The following ZNF106 variants were observed in gnomAD, a reference collection of about 807,000 sequenced individuals.
ZNF106 encodes the protein SH3-domain binding protein 3.
In ZNF106, 67 loss-of-function variants were observed where a neutral mutation model predicts 195.1. The ratio of observed to expected loss-of-function variants is 0.34; its 90% CI spans 0.28 to 0.42. The LOEUF is 0.42. Among genes scored for constraint, ZNF106 ranks in the 10% least tolerant of loss-of-function variants. The pLI, the probability that ZNF106 is intolerant of heterozygous loss-of-function variation, is 1.00. For synonymous variants in ZNF106, 784 were observed against 818.6 expected, an observed-to-expected ratio of 0.96 and a Z score of 0.72; for missense variants, 2,118 against 2,304.5, an observed-to-expected ratio of 0.92 and a Z score of 1.66.
At chr15:42,444,713 CTT>C (rs1194408890) in intron 8 of ZNF106, 112 bp downstream of exon 8, 1 of 1,379,910 alleles carries the variant, frequency 7.2e-7, no homozygotes, top group African/African-American at 1.4e-5. Flanking sequence ...GGGCACTTCC[CTT>C]GTGGAAACTC....
chr15:42,419,493 G>T (rs2054578315), intron 20 of ZNF106, among the ~76,000 whole-genome samples: 1 of 152,018 alleles, frequency 6.6e-6, no homozygotes, highest in Non-Finnish European at 1.5e-5. Flanking sequence ...AGTGACTGTT[G>T]TGACCACACC....
chr15:42,431,389 CTTTT>C (rs552325544), intron 14 of ZNF106, among the ~76,000 whole-genome samples: 5 of 121,090 alleles, frequency 4.1e-5, no homozygotes, highest in Admixed American at 3.3e-4. Context: ...TTATACGGTT[CTTTT>C]TTTTTTTTTT....
In ZNF106 at chr15:42,442,074, A is replaced by G. The variant is rs764860841; in HGVS notation, c.3762T>C (p.Asn1254=). 1.4e-5 allele frequency: 23 copies of G among 1,606,398 alleles called. No individual in the cohort carries two copies. Among genetic ancestry groups the G allele is most frequent in the South Asian group, 8.9e-5 (8 of 90,194 alleles). ...TAACCCAGAGAAAAGCTTACATACT[A>G]TTAGCTTCCAGTAATTCCTTGGACA... The part of the protein sequence containing the change: ...CNVSKELLEA[N]REISDSCPVY... The change falls in exon 10 of 22, where the codon AAT becomes AAC. Residue 1254 remains asparagine, a splice_region_variant and synonymous_variant. Coordinates refer to ENST00000564754, the MANE Select transcript of ZNF106 (RefSeq NM_001366845.3).
Position 42,439,172 on chromosome 15 carries a change from C to T in ZNF106, c.4405G>A (p.Glu1469Lys). The T allele has an allele frequency of 6.2e-7, 1 of 1,614,086 alleles. No homozygotes were observed. Among genetic ancestry groups the T allele is most frequent in the Non-Finnish European group, 8.5e-7 (1 of 1,180,028 alleles). The change falls in exon 11 of 22, where the codon GAG (glutamate) becomes AAG (lysine). Residue 1469 changes from glutamate to lysine, a missense_variant. Physicochemically the swap from Glu to Lys is moderately conservative, Grantham distance 56. Coordinates refer to ENST00000564754, the MANE Select transcript of ZNF106 (RefSeq NM_001366845.3). ...VAIDSSESGE[E>K]KPDSPSKKDI... ...TTTTTAGATGGGCTGTCTGGTTTCT[C>T]TTCTCCTGATTCTGAAGAATCAATG... is the stretch of plus-strand genomic sequence containing the variant.
At chr15:42,440,998 A>ATATATATATATAT (rs1302038726) in intron 10 of ZNF106, among the ~76,000 whole-genome samples, 1 of 23,574 alleles carries the variant, frequency 4.2e-5, no homozygotes, top group Non-Finnish European at 6.5e-5. Context: ...AAAAAAAAAA[A>ATATATATATATAT]ATATATATAT....
Position 42,450,905 on chromosome 15 carries a change from G to A in ZNF106, c.1367C>T (p.Pro456Leu), listed in dbSNP as rs1220220513. Residue 456 changes from proline (P) to leucine (L), a missense_variant, in exon 5 of 22, where the codon CCC becomes CTC. Coordinates refer to ENST00000564754, the MANE Select transcript of ZNF106 (RefSeq NM_001366845.3). ...CTCTTGTTCAGGTTTTTCTGCAGTG[G>A]GGCACTGTCTCACCACCTCGAAGGA... ...AASFEVVRQC[P>L]TAEKPEQEHT... 3 of 1,614,142 alleles carry A rather than the reference G, an allele frequency of 1.9e-6. No homozygotes were observed. Among genetic ancestry groups the A allele is most frequent in the South Asian group, 1.1e-5 (1 of 91,080 alleles).
chr15:42,472,507 C>T (rs2056697382), intron 1 of ZNF106, among the ~76,000 whole-genome samples, 186 bp from the exon 2 acceptor site: 2 of 152,032 alleles, frequency 1.3e-5, no homozygotes, highest in South Asian at 4.2e-4. Context: ...TTTTTCACCC[C>T]ATATCCACCC....
chr15:42,472,713 A>G (rs933196833), intron 1 of ZNF106, among the ~76,000 whole-genome samples: 22 of 152,194 alleles, frequency 1.4e-4, no homozygotes, highest in African/African-American at 5.3e-4. Flanking sequence ...AGATTCTTTT[A>G]AAGTTTAATT....
At chr15:42,490,306 C>T (rs1256404637) in intron 1 of ZNF106, 1 of 151,934 alleles carries the variant, frequency 6.6e-6, no homozygotes, top group African/African-American at 2.4e-5. Flanking sequence ...CACTTATTTG[C>T]TAGGTAAGAG....
In ZNF106 at chr15:42,439,136, T is replaced by C. The variant is rs1243437578; in HGVS notation, c.4441A>G (p.Asn1481Asp). The C allele has an allele frequency of 6.2e-7, 1 of 1,614,132 alleles. No individual in the cohort carries two copies. ...TCTAGTGGGTTTTGCTCTGTAGAGT[T>C]CCAAATATCCTTTTTAGATGGGCTG... ...PDSPSKKDIW[N>D]STEQNPLETS... Residue 1481 changes from asparagine (N) to aspartate (D), a missense_variant, in exon 11 of 22, where the codon AAC becomes GAC. Physicochemically the swap from Asn to Asp is conservative, Grantham distance 23. Coordinates refer to ENST00000564754, the MANE Select transcript of ZNF106 (RefSeq NM_001366845.3).
intron 1 of ZNF106, among the ~76,000 whole-genome samples, chr15:42,473,204 G>A (rs1339562047): frequency 2.6e-5 from 4 of 152,112 alleles, no homozygotes; most frequent in Admixed American, 1.3e-4. Flanking sequence ...CAGTAAGTAC[G>A]CAAATATTCC....
At chr15:42,422,381 T>A in intron 18 of ZNF106, 120 bp downstream of exon 18, 2 of 1,307,064 alleles carry the variant, frequency 1.5e-6, no homozygotes, top group Admixed American at 4.8e-5. Context: ...TTATCTAGAA[T>A]GCTTGTGAAA....
intron 6 of ZNF106, among the ~76,000 whole-genome samples, chr15:42,447,615 C>T (rs1205990289): frequency 1.3e-5 from 2 of 152,184 alleles, no homozygotes; most frequent in African/African-American, 4.8e-5. Flanking sequence ...TATTTCTATA[C>T]TCTGCTCATA....
chr15:42,439,600 C>T lies in ZNF106; in HGVS notation c.3977G>A (p.Gly1326Glu). The T allele has an allele frequency of 6.2e-7, 1 of 1,613,954 alleles. No individual in the cohort carries two copies. Among genetic ancestry groups the T allele is most frequent in the Non-Finnish European group, 8.5e-7 (1 of 1,179,970 alleles). ...EGEEPTKGNS[G>E]SEACTSSFLR... ...AAAAGAACTGGTACAGGCTTCAGAC[C>T]CACTATTGCCTTTGGTTGGCTCTTC... The change falls in exon 11 of 22, where the codon GGG (glycine) becomes GAG (glutamate). Residue 1326 changes from glycine (G) to glutamate (E), a missense_variant. Coordinates refer to ENST00000564754, the MANE Select transcript of ZNF106 (RefSeq NM_001366845.3).
chr15:42,431,487 A>C (rs1395176172), intron 14 of ZNF106, among the ~76,000 whole-genome samples: 2 of 150,204 alleles, frequency 1.3e-5, no homozygotes, highest in African/African-American at 4.9e-5. Context: ...TCCACCTCCC[A>C]GGTTCAAGTG....
At chr15:42,431,745 A>G (rs911667153) in intron 14 of ZNF106, among the ~76,000 whole-genome samples, 2 of 152,018 alleles carry the variant, frequency 1.3e-5, no homozygotes, top group African/African-American at 4.8e-5. Context: ...AAGTGCTGGG[A>G]TTACAGGCAT....
At chr15:42,423,030 A>C (rs897131189) in intron 17 of ZNF106, among the ~76,000 whole-genome samples, 1 of 152,056 alleles carries the variant, frequency 6.6e-6, no homozygotes, top group Non-Finnish European at 1.5e-5. Flanking sequence ...CTATGACCTG[A>C]GAACAGTCTC....
At chr15:42,445,130 G>T in intron 7 of ZNF106, 149 bp from the exon 8 acceptor site, 2 of 973,124 alleles carry the variant, frequency 2.1e-6, no homozygotes, top group Non-Finnish European at 3.0e-6. Context: ...ATTTAGTCAA[G>T]CACAATGATA....
At chr15:42,457,481 T>C in intron 3 of ZNF106, 2 of 1,197,466 alleles carry the variant, frequency 1.7e-6, no homozygotes, top group South Asian at 4.1e-5. Flanking sequence ...GGCAGGGGGC[T>C]CAGAGCAAGC....
Sources: gnomAD v4.1 joint callset for allele counts (sites outside exome capture counted in the v4.1 genomes callset) on GRCh38, gnomAD v4.1.1 for gene constraint, MANE v1.5 for transcripts, NCBI Gene and HGNC (gene_info 2026-07-23, HGNC 2026-07-21) for gene names.